Variants in MALRD1 observed in about 807,000 individuals in gnomAD.
The protein encoded by MALRD1 is MAM and LDL receptor class A domain containing 1.
A neutral mutation model predicts 242.1 loss-of-function variants in MALRD1; 247 were observed. The observed-to-expected ratio is 1.02, with a 90% confidence interval of 0.92 to 1.13. The LOEUF (loss-of-function observed/expected upper bound fraction) is 1.13. MALRD1 is among the 50% of genes most tolerant of loss of function. MALRD1 has a pLI of 0.00. For missense variants in MALRD1, 2,989 were observed against 2,533.1 expected (o/e 1.18, Z -3.86); for synonymous variants, 995 against 866.6 (o/e 1.15, Z -2.60).
intron 26 of MALRD1, among the ~76,000 whole-genome samples, chr10:19,382,498 G>A (rs1845880525): frequency 6.6e-6 from 1 of 152,068 alleles, no homozygotes; most frequent in Admixed American, 6.6e-5. Context: ...AAACTAGAAG[G>A]CATAGTTGTG....
chr10:19,626,025 A>G (rs140186478), intron 36 of MALRD1, among the ~76,000 whole-genome samples: 103 of 152,296 alleles, frequency 6.8e-4, no homozygotes, highest in African/African-American at 2.4e-3. Context: ...TCAAAAAGTC[A>G]ATTTAAAGTG....
chr10:19,635,834 A>G (rs894267886), intron 36 of MALRD1, among the ~76,000 whole-genome samples: 1 of 152,202 alleles, frequency 6.6e-6, no homozygotes, highest in Non-Finnish European at 1.5e-5. Context: ...ACACCTTGTC[A>G]TATTGTAAAA....
intron 33 of MALRD1, among the ~76,000 whole-genome samples, chr10:19,572,643 T>G (rs1427897694): frequency 1.3e-5 from 2 of 152,170 alleles, no homozygotes; most frequent in East Asian, 3.9e-4. Flanking sequence ...TGTGATCCCA[T>G]TTAGAAATAG....
intron 26 of MALRD1, among the ~76,000 whole-genome samples, chr10:19,361,211 G>A (rs1465637133): frequency 6.6e-6 from 1 of 152,134 alleles, no homozygotes; most frequent in Non-Finnish European, 1.5e-5. Flanking sequence ...AATGGAATGT[G>A]AACATATACT....
chr10:19,612,587 A>G (rs118167756), intron 35 of MALRD1, among the ~76,000 whole-genome samples: 1,981 of 151,946 alleles, frequency 0.013, 19 homozygotes, highest in East Asian at 0.035. Flanking sequence ...TCACACTGCT[A>G]TAAAGACATA....
At chr10:19,357,888 C>T (rs1023712031) in intron 26 of MALRD1, among the ~76,000 whole-genome samples, 6 of 151,902 alleles carry the variant, frequency 3.9e-5, no homozygotes, top group African/African-American at 1.5e-4. Context: ...TAGGAAGATG[C>T]AATTGAGCAG....
chr10:19,554,175 A>C (rs113105080), intron 32 of MALRD1, among the ~76,000 whole-genome samples: 1 of 152,090 alleles, frequency 6.6e-6, no homozygotes, highest in Non-Finnish European at 1.5e-5. Flanking sequence ...CCTGAAGTTG[A>C]GTAGTTTATA....
intron 4 of MALRD1, among the ~76,000 whole-genome samples, chr10:19,099,275 G>A (rs562584777): frequency 2.0e-5 from 3 of 152,214 alleles, no homozygotes; most frequent in Admixed American, 2.0e-4. Context: ...TGGTAGAAGG[G>A]AAGCCTTGCC....
At chr10:19,306,127 ATATAG>A (rs1236771659) in intron 21 of MALRD1, among the ~76,000 whole-genome samples, 2 of 109,054 alleles carry the variant, frequency 1.8e-5, no homozygotes, top group South Asian at 2.5e-4. Flanking sequence ...TATCTAGTAT[ATATAG>A]TATAGTATAT....
intron 31 of MALRD1, among the ~76,000 whole-genome samples, chr10:19,501,773 T>C (rs1205328520): frequency 2.0e-5 from 3 of 152,232 alleles, no homozygotes; most frequent in African/African-American, 7.2e-5. Context: ...GGCTCATGCC[T>C]GTAATCCCAG....
intron 5 of MALRD1, among the ~76,000 whole-genome samples, chr10:19,116,753 T>G (rs1343415357): frequency 2.0e-5 from 3 of 152,102 alleles, no homozygotes; most frequent in Non-Finnish European, 2.9e-5. Context: ...TGAAAACCCC[T>G]AAAATAATAT....
intron 10 of MALRD1, among the ~76,000 whole-genome samples, chr10:19,144,901 T>G (rs1284765554): frequency 6.6e-6 from 1 of 152,222 alleles, no homozygotes; most frequent in Non-Finnish European, 1.5e-5. Context: ...TGGCTGTTTT[T>G]ATTGTTATTA....
chr10:19,168,940 G>T (rs12265678), intron 13 of MALRD1, among the ~76,000 whole-genome samples: 17,158 of 151,854 alleles, frequency 0.11, 1,024 homozygotes, highest in East Asian at 0.18. Flanking sequence ...ACATTTATTT[G>T]GGAAACTACA....
chr10:19,471,199 A>G lies in MALRD1; in HGVS notation c.5030-20318A>G, dbSNP rs185626093. Among the ~76,000 whole-genome samples, 514 of 151,710 alleles carry G rather than the reference A, an allele frequency of 3.4e-3. 3 individuals are homozygous for G. Among genetic ancestry groups the G allele is most frequent in the African/African-American group, 0.01 (427 of 41,426 alleles). On this transcript the variant is annotated intron_variant, in intron 29 of 39. Coordinates refer to ENST00000454679, the MANE Select transcript of MALRD1 (RefSeq NM_001142308.3). The stretch of plus-strand genomic sequence containing the variant: ...TTGCTGGAGAGATTATTCTTTTTTC[A>G]TTATGTATTCTTGGCACCCTTGTCC...
chr10:19,722,482 C>T (rs1834806636), intron 38 of MALRD1: 1 of 149,240 alleles, frequency 6.7e-6, no homozygotes, highest in South Asian at 2.1e-4. Flanking sequence ...CCCAGCTAGT[C>T]AGAAGGCTGA....
intron 24 of MALRD1, among the ~76,000 whole-genome samples, chr10:19,340,640 G>C (rs2130954530): frequency 6.6e-6 from 1 of 152,132 alleles, no homozygotes; most frequent in Non-Finnish European, 1.5e-5. Flanking sequence ...GGGAGGATGA[G>C]GGGAAAGAAC....
chr10:19,219,202 A>G (rs1837457494), intron 18 of MALRD1, among the ~76,000 whole-genome samples: 1 of 152,146 alleles, frequency 6.6e-6, no homozygotes, highest in Non-Finnish European at 1.5e-5. Context: ...AAGGAGAATA[A>G]TGTCATTTAG....
intron 24 of MALRD1, among the ~76,000 whole-genome samples, chr10:19,346,816 A>T (rs191371843): frequency 1.3e-5 from 2 of 151,806 alleles, no homozygotes; most frequent in East Asian, 3.9e-4. Context: ...ATGCCCAGCT[A>T]ATTTTGTATT....
At chr10:19,127,157 T>C (rs1410632970) in intron 7 of MALRD1, among the ~76,000 whole-genome samples, 1 of 152,210 alleles carries the variant, frequency 6.6e-6, no homozygotes, top group Non-Finnish European at 1.5e-5. Flanking sequence ...CAGTCTATCA[T>C]TGATGGGCAT....
Sources: allele counts gnomAD v4.1 joint callset (sites outside exome capture counted in the v4.1 genomes callset), GRCh38; gene constraint gnomAD v4.1.1; transcripts MANE v1.5; gene names NCBI Gene and HGNC (gene_info 2026-07-23, HGNC 2026-07-21).